Variants in DPH6 observed in about 807,000 individuals in gnomAD.
The protein encoded by DPH6 is diphthamine biosynthesis 6, also known as diphthine--ammonia ligase.
DPH6 carries 33 observed loss-of-function variants against 38.2 expected under a neutral mutation model. The ratio of observed to expected loss-of-function variants is 0.86; its 90% CI spans 0.65 to 1.15. The LOEUF (loss-of-function observed/expected upper bound fraction) is 1.15. DPH6 is among the 50% of genes most tolerant of loss of function. The probability of loss-of-function intolerance (pLI) is 0.00; values close to 1 mark genes in which losing one functional copy is unlikely to be tolerated. For synonymous variants in DPH6, 108 were observed against 103.0 expected (o/e 1.05, Z -0.30); for missense variants, 325 against 320.0 (o/e 1.02, Z -0.12).
rs117301835 is a variant in DPH6, at chr15:35,264,775, G to A, written n.201-44193C>T. Among the ~76,000 whole-genome samples, 56 of 152,300 alleles carry A rather than the reference G, an allele frequency of 3.7e-4. No individual in the cohort carries two copies. In the East Asian group the frequency reaches 8.7e-3, roughly 24 times the overall value. On this transcript the variant is annotated intron_variant and non_coding_transcript_variant, in intron 3 of 3. Coordinates refer to the DPH6 transcript ENST00000560386. ...TACTGAGCTAGGTACTGAGAATACA[G>A]AGATAAATATGACATAGAACTATAA...
intron 3 of DPH6, among the ~76,000 whole-genome samples, chr15:35,487,891 T>A (rs747327010): frequency 6.6e-6 from 1 of 152,242 alleles, no homozygotes; most frequent in Non-Finnish European, 1.5e-5. Flanking sequence ...TGAACACATA[T>A]GAGCATACAA....
At chr15:35,145,540 T>C in the DPH6 span, among the ~76,000 whole-genome samples, 1 of 152,230 alleles carries the variant, frequency 6.6e-6, no homozygotes. Flanking sequence ...GCTGGCAGGC[T>C]ATTCTAGAAG....
At chr15:35,156,936 C>T in the DPH6 span, among the ~76,000 whole-genome samples, 8,327 of 151,620 alleles carry the variant, frequency 0.055, 358 homozygotes, top group East Asian at 0.24. Flanking sequence ...GGAGGAAATG[C>T]TTCTTTGAAC....
intron 5 of DPH6, among the ~76,000 whole-genome samples, chr15:35,445,293 C>T (rs2053837319): frequency 6.6e-6 from 1 of 150,938 alleles, no homozygotes; most frequent in Admixed American, 6.6e-5. Context: ...GATGTCTTAG[C>T]AACATATTGT....
chr15:35,355,097 A>G (rs1430796259), intron 3 of DPH6, among the ~76,000 whole-genome samples: 1 of 152,208 alleles, frequency 6.6e-6, no homozygotes, highest in African/African-American at 2.4e-5. Context: ...ATCATAGACT[A>G]GGATTGCAAC....
At chr15:35,493,555 T>C (rs556174393) in intron 3 of DPH6, among the ~76,000 whole-genome samples, 20 of 152,266 alleles carry the variant, frequency 1.3e-4, no homozygotes, top group Middle Eastern at 6.8e-3. Context: ...GATACCAGAA[T>C]GGTCATTTCA....
chr15:35,381,642 C>T (rs999988456), intron 7 of DPH6, among the ~76,000 whole-genome samples, 180 bp downstream of exon 7: 10 of 152,162 alleles, frequency 6.6e-5, no homozygotes, highest in Admixed American at 1.3e-4. Context: ...AAGGCCTCGT[C>T]TTGTCAGGTA....
chr15:35,150,999 C>A, the DPH6 span, among the ~76,000 whole-genome samples: 1 of 152,118 alleles, frequency 6.6e-6, no homozygotes, highest in Non-Finnish European at 1.5e-5. Context: ...TCAATTATCT[C>A]ATCTCTCTCC....
intron 3 of DPH6, among the ~76,000 whole-genome samples, chr15:35,303,631 A>G (rs978117235): frequency 1.3e-5 from 2 of 151,708 alleles, no homozygotes; most frequent in Non-Finnish European, 2.9e-5. Context: ...ACCTGATGAT[A>G]AAGTAAAATA....
rs148624107 is a variant in DPH6, at chr15:35,273,748, T to C, written n.201-53166A>G. Among the ~76,000 whole-genome samples the C allele has an allele frequency of 4.7e-4, 72 of 152,168 alleles. 2 individuals are homozygous for C. The highest frequency in any genetic ancestry group is 1.5e-3 in the African/African-American group (61 of 41,504). On this transcript the variant is annotated intron_variant and non_coding_transcript_variant, in intron 3 of 3. Transcript: ENST00000560386. ...AACTACAAACCACTGCTCAAGGAAATAAGAGAGGACACAAACAAATGGAAA... is the reference window on the plus strand; with the variant it reads ...AACTACAAACCACTGCTCAAGGAAACAAGAGAGGACACAAACAAATGGAAA...
At chr15:35,211,996 C>T in the DPH6 span, among the ~76,000 whole-genome samples, 5 of 152,202 alleles carry the variant, frequency 3.3e-5, no homozygotes, top group Admixed American at 1.3e-4. Context: ...TTCACTTCCC[C>T]TATTCTTGAA....
chr15:35,333,606 C>T (rs567867065), intron 3 of DPH6, among the ~76,000 whole-genome samples: 11 of 152,064 alleles, frequency 7.2e-5, no homozygotes, highest in Admixed American at 3.9e-4. Context: ...AAGCACTGAG[C>T]GTACCTGTAA....
chr15:35,537,452 A>T (rs1156474388), intron 3 of DPH6, among the ~76,000 whole-genome samples: 33 of 152,158 alleles, frequency 2.2e-4, no homozygotes, highest in Non-Finnish European at 3.8e-4. Flanking sequence ...GAATAACTGA[A>T]CTGTATTCAA....
At chr15:35,262,935 A>G (rs112515299) in intron 3 of DPH6, among the ~76,000 whole-genome samples, 100 of 152,262 alleles carry the variant, frequency 6.6e-4, no homozygotes, top group African/African-American at 2.4e-3. Context: ...TTGCCCTTAC[A>G]AATAATTAGA....
At position 35,519,523 on chromosome 15, in the gene DPH6, A is replaced by C. The variant is rs80031966; in HGVS notation, c.312+18751T>G. On this transcript the variant is annotated intron_variant, in intron 3 of 8. Transcript: ENST00000256538. ...AGATTTACCAAGGGATAAAAAGAAG[A>C]AGCAGCCAATAATTCTAAATGAAAA... The C allele has an allele frequency of 9.6e-3, 1,455 of 152,112 alleles. 12 individuals are homozygous for C. The highest frequency in any genetic ancestry group is 0.037 in the East Asian group (193 of 5,180). 9.4% of individuals were successfully genotyped at this position (152,112 alleles called of 1,614,324 possible).
At chr15:35,285,890 A>C (rs1299094344) in intron 3 of DPH6, among the ~76,000 whole-genome samples, 4 of 3,104 alleles carry the variant, frequency 1.3e-3, no homozygotes, top group Non-Finnish European at 4.4e-3. Context: ...TTTTTTTTTT[A>C]CCTGAGACCA....
chr15:35,163,619 C>T, the DPH6 span, among the ~76,000 whole-genome samples: 1 of 151,854 alleles, frequency 6.6e-6, no homozygotes, highest in Admixed American at 6.6e-5. Context: ...TGGGCACTGA[C>T]TGGATATAAT....
intron 3 of DPH6, among the ~76,000 whole-genome samples, chr15:35,461,060 G>T (rs2141104823): frequency 6.6e-6 from 1 of 152,176 alleles, no homozygotes; most frequent in East Asian, 1.9e-4. Flanking sequence ...ATCAACCATG[G>T]TTCTCAGAAT....
chr15:35,505,991 A>G (rs1208661254), intron 3 of DPH6, among the ~76,000 whole-genome samples: 1 of 152,140 alleles, frequency 6.6e-6, no homozygotes, highest in Non-Finnish European at 1.5e-5. Context: ...CTGACATTGC[A>G]AAGTTTGACA....
Sources: allele counts gnomAD v4.1 joint callset (sites outside exome capture counted in the v4.1 genomes callset), GRCh38; gene constraint gnomAD v4.1.1; transcripts MANE v1.5; gene names NCBI Gene and HGNC (gene_info 2026-07-23, HGNC 2026-07-21).